Variants in LZIC observed in about 807,000 individuals in gnomAD.
LZIC encodes the protein protein LZIC.
LZIC carries 28 observed loss-of-function variants against 25.4 expected under a neutral mutation model. The ratio of observed to expected loss-of-function variants is 1.10; its 90% CI spans 0.82 to 1.51. LZIC has a LOEUF of 1.51. Ranked by LOEUF, LZIC falls within the 40% of genes most tolerant of loss-of-function variation. The pLI, the probability that LZIC is intolerant of heterozygous loss-of-function variation, is 0.00. For synonymous variants in LZIC, 65 were observed against 70.7 expected (o/e 0.92, Z 0.40); for missense variants, 170 against 211.1 (o/e 0.81, Z 1.21).
At chr1:9,939,218 C>T (rs1425796382) in intron 2 of LZIC, among the ~76,000 whole-genome samples, 5 of 151,966 alleles carry the variant, frequency 3.3e-5, no homozygotes, top group Non-Finnish European at 7.4e-5. Context: ...CGTGCCACCA[C>T]GTCCGGCTAA....
At chr1:9,932,080 A>C in intron 6 of LZIC, 108 bp from the exon 7 acceptor site, 2 of 356,348 alleles carry the variant, frequency 5.6e-6, no homozygotes, top group Non-Finnish European at 9.5e-6. Context: ...CACGCCTGTA[A>C]TCCCTGCACT....
chr1:9,938,611 G>GGCAT (rs1217911631), intron 2 of LZIC, among the ~76,000 whole-genome samples: 4 of 152,000 alleles, frequency 2.6e-5, no homozygotes, highest in African/African-American at 9.7e-5. Context: ...GGAGTGCAGT[G>GGCAT]GCATGATCAT....
intron 2 of LZIC, among the ~76,000 whole-genome samples, chr1:9,938,937 T>G (rs1413924594): frequency 6.6e-6 from 1 of 152,208 alleles, no homozygotes; most frequent in Non-Finnish European, 1.5e-5. Flanking sequence ...AAAAACACCC[T>G]TTACTAATCA....
chr1:9,928,093 T>C lies in LZIC; in HGVS notation c.*2306A>G, dbSNP rs1027885034. Among the ~76,000 whole-genome samples, 2 of 151,816 alleles carry C rather than the reference T, an allele frequency of 1.3e-5. No homozygotes were observed. The highest frequency in any genetic ancestry group is 2.9e-5 in the Non-Finnish European group (2 of 67,940). On this transcript the variant is annotated 3_prime_UTR_variant, in exon 8 of 8. Coordinates refer to ENST00000377223, the MANE Select transcript of LZIC (RefSeq NM_032368.5). Reference sequence around the variant, plus strand: ...ACTCTGGGAGGTTGAGGCGGGTGGATCACCTAAGGTCAGGAGTTCGAGACC... The same window carrying C: ...ACTCTGGGAGGTTGAGGCGGGTGGACCACCTAAGGTCAGGAGTTCGAGACC...
At chr1:9,935,735 T>C in intron 3 of LZIC, 108 bp from the exon 4 acceptor site, 1 of 1,000,578 alleles carries the variant, frequency 1.0e-6, no homozygotes, top group Non-Finnish European at 1.5e-6. Context: ...ATCAAAATGC[T>C]GATGGTGAAT....
chr1:9,922,720 G>A (rs72858084), downstream of LZIC, among the ~76,000 whole-genome samples: 1,300 of 152,344 alleles, frequency 8.5e-3, 21 homozygotes, highest in African/African-American at 0.03. Context: ...GGCTCACAGA[G>A]GAGGATGCAG....
In LZIC at chr1:9,927,004, T is replaced by C. The variant is rs1640006394; in HGVS notation, c.*3395A>G. ...TGAGTTAGTTTTCCAAGTAAAAACT[T>C]TACGTGCATTAACAGAGGGGAATGC... On this transcript the variant is annotated 3_prime_UTR_variant, in exon 8 of 8. Coordinates refer to ENST00000377223, the MANE Select transcript of LZIC (RefSeq NM_032368.5). 6.6e-6 allele frequency among the ~76,000 whole-genome samples: 1 copy of C among 152,164 alleles called. No homozygotes were observed. Among genetic ancestry groups the C allele is most frequent in the South Asian group, 2.1e-4 (1 of 4,828 alleles).
chr1:9,925,657 T>C (rs999233666), downstream of LZIC, among the ~76,000 whole-genome samples: 7 of 152,130 alleles, frequency 4.6e-5, no homozygotes, highest in Non-Finnish European at 1.0e-4. Context: ...TGACAAGATC[T>C]TGGCTCACTA....
At chr1:9,942,867 G>A (rs1252189439) in intron 1 of LZIC, 85 bp from the exon 2 acceptor site, 2 of 408,722 alleles carry the variant, frequency 4.9e-6, no homozygotes, top group Non-Finnish European at 9.7e-6. Flanking sequence ...TTCCACTTGA[G>A]CAGCCTGAGA....
downstream of LZIC, among the ~76,000 whole-genome samples, chr1:9,925,890 T>C (rs1639969704): frequency 2.6e-5 from 1 of 38,144 alleles, no homozygotes; most frequent in Non-Finnish European, 1.4e-4. Flanking sequence ...TCATGCCTTT[T>C]TTTTTTTTTT....
intron 7 of LZIC, among the ~76,000 whole-genome samples, chr1:9,930,963 C>A (rs746338995): frequency 2.0e-5 from 3 of 152,048 alleles, no homozygotes; most frequent in African/African-American, 7.2e-5. Context: ...AGGTGATCCA[C>A]CCACTTCAGC....
rs748147458 is a variant in LZIC at position 9,932,905 on chromosome 1, C to T, written c.337-7G>A. ...CCATCAGATCTCTATCCATCTAAAA[C>T]GTATGAATGCAAGGCATATGTTACT... On this transcript the variant is annotated splice_polypyrimidine_tract_variant and splice_region_variant and intron_variant, in intron 5 of 7. Coordinates refer to ENST00000377223, the MANE Select transcript of LZIC (RefSeq NM_032368.5). The T allele has an allele frequency of 3.0e-5, 46 of 1,555,176 alleles. No individual in the cohort carries two copies. The Middle Eastern group carries it at 1.0e-3, about 34-fold the overall frequency.
chr1:9,942,810 A>G (rs759076868), intron 1 of LZIC, 28 bp from the exon 2 acceptor site: 35 of 672,046 alleles, frequency 5.2e-5, no homozygotes, highest in Non-Finnish European at 8.0e-5. Context: ...ATTAACAAGT[A>G]ATTTTATTTG....
chr1:9,925,812 A>G (rs1470140983), downstream of LZIC, among the ~76,000 whole-genome samples: 1 of 141,784 alleles, frequency 7.1e-6, no homozygotes, highest in East Asian at 2.1e-4. Context: ...CTGGTCTTGA[A>G]CTCCTGACCT....
At chr1:9,922,346 C>T (rs1264875755), downstream of LZIC, 1 of 984,896 alleles carries the variant, frequency 1.0e-6, no homozygotes, top group Non-Finnish European at 1.2e-6. Context: ...GTTCATGTAA[C>T]TTGGGGGCCG....
rs988934093 is a variant in LZIC, at chr1:9,930,225, G to A, written c.*174C>T. The A allele has an allele frequency of 2.5e-5, 36 of 1,463,788 alleles. No homozygotes were observed. Among genetic ancestry groups the A allele is most frequent in the Middle Eastern group, 5.2e-4 (2 of 3,810 alleles). The allele number at this position is 1,463,788 out of a possible 1,614,324, so 90.7% of individuals were successfully genotyped here. On this transcript the variant is annotated 3_prime_UTR_variant, in exon 8 of 8. Transcript: ENST00000377223. ...ACTCAAGCAGGTAACCGCACACAAC[G>A]CACAATGATGAAGAGCATAAACACA...
chr1:9,930,901 G>T (rs1488147115), intron 7 of LZIC, among the ~76,000 whole-genome samples: 1 of 151,686 alleles, frequency 6.6e-6, no homozygotes, highest in Non-Finnish European at 1.5e-5. Context: ...TTGTGTTTTT[G>T]GTAGAGAGGG....
Position 9,929,270 on chromosome 1 carries a change from CA to C in LZIC, c.*1128del. The C allele has an allele frequency of 2.0e-6, 2 of 975,802 alleles. No homozygotes were observed. Among genetic ancestry groups the C allele is most frequent in the Non-Finnish European group, 2.4e-6 (2 of 821,308 alleles). 60.4% of individuals were successfully genotyped at this position (975,802 alleles called of 1,614,324 possible). A position where few individuals can be genotyped will look rare whatever the true frequency, so the allele number is the denominator to read the frequency against. ...GGTTGGCAAAGCACCTAGTAGTTTA[CA>C]GTACAGAAGAAGCTTTAAAAATGCT... On this transcript the variant is annotated 3_prime_UTR_variant, in exon 8 of 8. Transcript: ENST00000377223.
intron 2 of LZIC, among the ~76,000 whole-genome samples, chr1:9,941,023 ACTT>A (rs1487993612): frequency 9.9e-5 from 15 of 152,136 alleles, no homozygotes; most frequent in African/African-American, 2.4e-5. Context: ...AATGTCATGC[ACTT>A]TTTTGAGCCT....
Sources: gnomAD v4.1 joint callset for allele counts (sites outside exome capture counted in the v4.1 genomes callset) on GRCh38, gnomAD v4.1.1 for gene constraint, MANE v1.5 for transcripts, NCBI Gene and HGNC (gene_info 2026-07-23, HGNC 2026-07-21) for gene names.